Variants in VPS13B observed in about 807,000 individuals in gnomAD.
VPS13B encodes the protein intermembrane lipid transfer protein VPS13B.
In VPS13B, 285 loss-of-function variants were observed where a neutral mutation model predicts 426.4. That is an observed-to-expected ratio of 0.67 (90% CI 0.61 to 0.74). The LOEUF is 0.74. Ranked by LOEUF, VPS13B falls within the 30% of genes least tolerant of loss-of-function variation. The probability of loss-of-function intolerance (pLI) is 0.00; values close to 1 mark genes in which losing one functional copy is unlikely to be tolerated. For missense variants in VPS13B, 4,537 were observed against 4,782.6 expected (o/e 0.95, Z 1.51); for synonymous variants, 1,676 against 1,676.4 (o/e 1.00, Z 0.01).
chr8:99,023,911 A>G (rs1312220396), intron 2 of VPS13B, among the ~76,000 whole-genome samples: 1 of 152,224 alleles, frequency 6.6e-6, no homozygotes, highest in Non-Finnish European at 1.5e-5. Context: ...TTTTATTTGT[A>G]TGTACACCCA....
intron 21 of VPS13B, among the ~76,000 whole-genome samples, chr8:99,417,573 T>G (rs1386813144): frequency 6.6e-6 from 1 of 152,182 alleles, no homozygotes; most frequent in South Asian, 2.1e-4. Context: ...TGTGATTTGT[T>G]TTGGAATTTA....
At chr8:99,517,523 C>A (rs1822151005) in intron 29 of VPS13B, among the ~76,000 whole-genome samples, 2 of 152,098 alleles carry the variant, frequency 1.3e-5, no homozygotes, top group Admixed American at 1.3e-4. Flanking sequence ...AAAAATTGAA[C>A]ATTCTACTAT....
At chr8:99,411,133 T>C (rs1032703372) in intron 21 of VPS13B, among the ~76,000 whole-genome samples, 2 of 152,188 alleles carry the variant, frequency 1.3e-5, no homozygotes, top group African/African-American at 2.4e-5. Context: ...CTTGAGGAAT[T>C]GCCACACTGT....
intron 43 of VPS13B, among the ~76,000 whole-genome samples, chr8:99,802,686 G>A (rs1813187744): frequency 6.6e-6 from 1 of 152,050 alleles, no homozygotes; most frequent in South Asian, 2.1e-4. Flanking sequence ...CAAAAATGGG[G>A]TGTACTGCCC....
chr8:99,100,058 A>G (rs908206634), intron 4 of VPS13B, among the ~76,000 whole-genome samples: 2 of 152,174 alleles, frequency 1.3e-5, no homozygotes, highest in Non-Finnish European at 1.5e-5. Context: ...TCTACTTGAC[A>G]CTATCTTGTA....
chr8:99,135,782 C>A (rs768209661), intron 11 of VPS13B, 49 bp downstream of exon 11: 8 of 1,609,282 alleles, frequency 5.0e-6, no homozygotes, highest in Non-Finnish European at 6.8e-6. Context: ...TTTGGGTGGA[C>A]ACATTGTATG....
intron 29 of VPS13B, among the ~76,000 whole-genome samples, chr8:99,513,028 A>G (rs920316514): frequency 6.6e-6 from 1 of 151,922 alleles, no homozygotes; most frequent in Non-Finnish European, 1.5e-5. Flanking sequence ...AAAAAAAAAA[A>G]AAACCATAAT....
At chr8:99,718,728 G>A (rs1036834053) in intron 37 of VPS13B, among the ~76,000 whole-genome samples, 4 of 150,354 alleles carry the variant, frequency 2.7e-5, no homozygotes, top group Non-Finnish European at 5.9e-5. Flanking sequence ...GTGCAGTGGT[G>A]TGATAACAGC....
intron 19 of VPS13B, among the ~76,000 whole-genome samples, chr8:99,363,625 T>C (rs1020081889): frequency 2.0e-5 from 3 of 152,338 alleles, no homozygotes; most frequent in Non-Finnish European, 4.4e-5. Context: ...TTTTATTTTA[T>C]TGTGCCTTCT....
rs575517960 is a variant in VPS13B, at chr8:99,511,050, T to A, written c.4225-54T>A. 7,311 of 1,597,256 alleles carry A rather than the reference T, an allele frequency of 4.6e-3. 248 individuals are homozygous for A. In the African/African-American group the frequency reaches 0.077, roughly 17 times the overall value. ...AGGTCATTTTCTTCTTTCCAATTTT[T>A]AAAAAAAATCTTTTTAATGAACTGT... is the stretch of plus-strand genomic sequence containing the variant. On this transcript the variant is annotated intron_variant, in intron 28 of 61. Transcript: ENST00000357162.
intron 35 of VPS13B, chr8:99,695,916 C>T (rs1176922454): frequency 6.6e-6 from 1 of 152,106 alleles, no homozygotes; most frequent in Admixed American, 6.5e-5. Flanking sequence ...ATCATGAAGC[C>T]TTGATGAGAA....
rs1427176102 is a variant in VPS13B, at chr8:99,567,000, A to G, written c.4950-8658A>G. On this transcript the variant is annotated intron_variant, in intron 31 of 61. Coordinates refer to ENST00000357162, the MANE Select transcript of VPS13B (RefSeq NM_152564.5). ...AACCTCCAACTCCTGGGCTCTAACG[A>G]TCCTCCTGCCTCATCCTCCCAAAGC... Among the ~76,000 whole-genome samples, 26 of 151,738 alleles carry G rather than the reference A, an allele frequency of 1.7e-4. 1 individual carries two copies. Among genetic ancestry groups the G allele is most frequent in the Non-Finnish European group, 1.5e-5 (1 of 67,958 alleles).
chr8:99,233,458 A>T, intron 17 of VPS13B: 1 of 1,348,112 alleles, frequency 7.4e-7, no homozygotes, highest in Non-Finnish European at 1.1e-6. Context: ...GATGGTACCC[A>T]CAGCCTGGGT....
At chr8:99,717,446 T>A in intron 37 of VPS13B, 73 bp downstream of exon 37, 1 of 1,336,572 alleles carries the variant, frequency 7.5e-7, no homozygotes, top group Non-Finnish European at 1.1e-6. Context: ...ACTGTTTCAC[T>A]AAATTTTAAA....
intron 33 of VPS13B, among the ~76,000 whole-genome samples, chr8:99,596,116 T>G (rs1414483899): frequency 2.0e-5 from 3 of 151,952 alleles, no homozygotes; most frequent in African/African-American, 7.2e-5. Context: ...TTTGCAAAAT[T>G]CTGAGAGTTG....
chr8:99,066,477 C>T (rs1844520353), intron 3 of VPS13B, among the ~76,000 whole-genome samples: 1 of 152,188 alleles, frequency 6.6e-6, no homozygotes, highest in Non-Finnish European at 1.5e-5. Flanking sequence ...GGATCCCTTC[C>T]TTACACCTTA....
chr8:99,651,511 C>T (rs552504355), intron 34 of VPS13B, among the ~76,000 whole-genome samples: 1 of 152,190 alleles, frequency 6.6e-6, no homozygotes, highest in African/African-American at 2.4e-5. Context: ...TGGCAATAGG[C>T]TTTTCCATGC....
At chr8:99,501,923 C>T (rs1380086828) in intron 26 of VPS13B, 65 bp downstream of exon 26, 3 of 1,434,490 alleles carry the variant, frequency 2.1e-6, no homozygotes, top group Non-Finnish European at 2.9e-6. Flanking sequence ...TCCCTCCCTC[C>T]CTCCCTTCCT....
At chr8:99,082,198 T>A (rs568049566) in intron 3 of VPS13B, among the ~76,000 whole-genome samples, 115 of 152,354 alleles carry the variant, frequency 7.5e-4, no homozygotes, top group South Asian at 1.7e-3. Context: ...TGATTTGCAT[T>A]TCTCTGATGG....
Sources: gnomAD v4.1 joint callset for allele counts (sites outside exome capture counted in the v4.1 genomes callset) on GRCh38, gnomAD v4.1.1 for gene constraint, MANE v1.5 for transcripts, NCBI Gene and HGNC (gene_info 2026-07-23, HGNC 2026-07-21) for gene names.